SH3GL1: variants seen among roughly 807,000 people sequenced by gnomAD.
The protein encoded by SH3GL1 is SH3 domain containing GRB2 like 1, endophilin A2.
A neutral mutation model predicts 48.8 loss-of-function variants in SH3GL1; 21 were observed. The ratio of observed to expected loss-of-function variants is 0.43; its 90% CI spans 0.30 to 0.62. The LOEUF is 0.62. Ranked by LOEUF, SH3GL1 falls within the 20% of genes least tolerant of loss-of-function variation. The probability of loss-of-function intolerance (pLI) is 0.11; values close to 1 mark genes in which losing one functional copy is unlikely to be tolerated. For synonymous variants in SH3GL1, 282 were observed against 217.5 expected (o/e 1.30, Z -2.61); for missense variants, 454 against 503.0 (o/e 0.90, Z 0.93).
chr19:4,378,776 C>G (rs1379655150), intron 1 of SH3GL1, among the ~76,000 whole-genome samples: 1 of 152,192 alleles, frequency 6.6e-6, no homozygotes, highest in East Asian at 1.9e-4. Flanking sequence ...CTACTGTGCA[C>G]TGAGCAACTG....
intron 1 of SH3GL1, among the ~76,000 whole-genome samples, chr19:4,387,157 C>T (rs980620609): frequency 6.6e-6 from 1 of 152,040 alleles, no homozygotes; most frequent in Non-Finnish European, 1.5e-5. Context: ...AGGATGGTCT[C>T]GATCTCCTGA....
chr19:4,398,115 G>T (rs923407523), intron 1 of SH3GL1, among the ~76,000 whole-genome samples: 1 of 152,150 alleles, frequency 6.6e-6, no homozygotes, highest in Non-Finnish European at 1.5e-5. Flanking sequence ...AAAGTGCTGG[G>T]ATTACAGGCA....
intron 1 of SH3GL1, among the ~76,000 whole-genome samples, chr19:4,392,520 A>T (rs1488016547): frequency 5.7e-3 from 31 of 5,408 alleles, no homozygotes; most frequent in African/African-American, 0.012. Flanking sequence ...AGACTCCGTC[A>T]CACACACACA....
chr19:4,362,259 G>A, intron 9 of SH3GL1, 70 bp downstream of exon 9: 1 of 1,468,596 alleles, frequency 6.8e-7, no homozygotes. Context: ...AACAGGGCGG[G>A]AGGAGAAACA....
chr19:4,388,057 C>T (rs1229636162), intron 1 of SH3GL1, among the ~76,000 whole-genome samples: 1 of 151,940 alleles, frequency 6.6e-6, no homozygotes, highest in African/African-American at 2.4e-5. Flanking sequence ...GATGGGGTTT[C>T]ACCATGTTGG....
In SH3GL1 at chr19:4,367,391, C is replaced by A. The variant is rs1055975955; in HGVS notation, c.46-397G>T. ...TCCCCACAGATAGCAATGTGGGGAT[C>A]TGCCCCCATCCTTGAGTATGTGGGG... On this transcript the variant is annotated intron_variant, in intron 1 of 9. Transcript: ENST00000269886. The surrounding 1 kb of genome is among the most constrained non-coding windows in gnomAD (Gnocchi z 4.2). Among the ~76,000 whole-genome samples the A allele has an allele frequency of 6.6e-6, 1 of 152,070 alleles. No homozygotes were observed.
At chr19:4,366,104 G>A (rs964860132) in intron 3 of SH3GL1, among the ~76,000 whole-genome samples, 2 of 152,184 alleles carry the variant, frequency 1.3e-5, no homozygotes, top group South Asian at 2.1e-4. Context: ...GTTTTCCTTG[G>A]GGAAAAGCCC....
At chr19:4,394,445 C>T (rs959329951) in intron 1 of SH3GL1, among the ~76,000 whole-genome samples, 7 of 152,152 alleles carry the variant, frequency 4.6e-5, no homozygotes, top group African/African-American at 1.4e-4. Flanking sequence ...CGGCTTTTTA[C>T]TGCTTTCTTC....
rs1171818751 is a variant in SH3GL1, at chr19:4,366,553, C to T, written c.135G>A (p.Lys45=). The T allele has an allele frequency of 3.7e-6, 6 of 1,612,144 alleles. No homozygotes were observed. The South Asian group carries it at 5.5e-5, about 15-fold the overall frequency. The change falls in exon 3 of 10, where the codon AAG becomes AAA. Residue 45 remains lysine, a synonymous_variant. Coordinates refer to ENST00000269886, the MANE Select transcript of SH3GL1 (RefSeq NM_003025.4). ...TCCTGGCCAGCACTTCTGTCACCGC[C>T]TTGCTGGTGACATCCACCTTCTGTG... The part of the protein sequence containing the change: ...EMEKKVDVTS[K]AVTEVLARTI...
At chr19:4,361,921 G>T in intron 9 of SH3GL1, 125 bp from the exon 10 acceptor site, 1 of 680,496 alleles carries the variant, frequency 1.5e-6, no homozygotes, top group African/African-American at 1.8e-5. Context: ...CCCTGCCTGG[G>T]CCACCCCCTG....
At chr19:4,387,739 A>G (rs1052159078) in intron 1 of SH3GL1, among the ~76,000 whole-genome samples, 2 of 152,088 alleles carry the variant, frequency 1.3e-5, no homozygotes, top group East Asian at 3.9e-4. Flanking sequence ...GGCAGAGTGC[A>G]GTGGTGCTAT....
chr19:4,383,368 CCA>C (rs1325940195), intron 1 of SH3GL1, among the ~76,000 whole-genome samples: 3 of 152,018 alleles, frequency 2.0e-5, no homozygotes, highest in Non-Finnish European at 4.4e-5. Flanking sequence ...GCGTGCATCA[CCA>C]CACAGAGTTA....
At chr19:4,379,231 A>G (rs1429802085) in intron 1 of SH3GL1, among the ~76,000 whole-genome samples, 1 of 152,030 alleles carries the variant, frequency 6.6e-6, no homozygotes, top group East Asian at 1.9e-4. Flanking sequence ...AAGGAAGCAG[A>G]TCACCTGAGA....
chr19:4,395,259 C>T (rs1157736093), intron 1 of SH3GL1, among the ~76,000 whole-genome samples: 4 of 152,078 alleles, frequency 2.6e-5, no homozygotes, highest in Non-Finnish European at 5.9e-5. Flanking sequence ...CAGGTGCAAG[C>T]GATAAAGGTT....
rs1050902647 is a variant in SH3GL1 at position 4,361,491 on chromosome 19, C to T, written c.*109G>A. The T allele has an allele frequency of 4.3e-5, 36 of 839,792 alleles. No individual in the cohort carries two copies. The highest frequency in any genetic ancestry group is 3.5e-4 in the Middle Eastern group (1 of 2,858). 52.0% of individuals were successfully genotyped at this position (839,792 alleles called of 1,614,324 possible). ...TCAAGGGCCGGGGCCCAGGTGGCGC[C>T]GGCAGGCTCAGACACCGCCCTGGCA... On this transcript the variant is annotated 3_prime_UTR_variant, in exon 10 of 10. Transcript: ENST00000269886.
chr19:4,386,786 C>T (rs995150946), intron 1 of SH3GL1, among the ~76,000 whole-genome samples: 4 of 152,078 alleles, frequency 2.6e-5, no homozygotes, highest in Non-Finnish European at 4.4e-5. Context: ...TCCTAAGAGG[C>T]GAGACTGCAG....
intron 1 of SH3GL1, among the ~76,000 whole-genome samples, chr19:4,378,427 C>G (rs988130682): frequency 6.6e-6 from 1 of 152,128 alleles, no homozygotes; most frequent in Non-Finnish European, 1.5e-5. Context: ...AAACTACACA[C>G]CACCAGGCCA....
intron 3 of SH3GL1, 45 bp from the exon 4 acceptor site, chr19:4,365,670 T>C: frequency 6.2e-7 from 1 of 1,610,174 alleles, no homozygotes; most frequent in Non-Finnish European, 8.5e-7. Context: ...AGGCCTGCAC[T>C]CCTCTGCCCT....
chr19:4,399,380 TG>T (rs1973480553), intron 1 of SH3GL1, among the ~76,000 whole-genome samples: 4 of 129,314 alleles, frequency 3.1e-5, no homozygotes, highest in Admixed American at 1.6e-4. Flanking sequence ...GCAGTAGTCC[TG>T]GGGGACAGGA....
Sources: allele counts gnomAD v4.1 joint callset (sites outside exome capture counted in the v4.1 genomes callset), GRCh38; gene constraint gnomAD v4.1.1; non-coding constraint Gnocchi (gnomAD v3.1); transcripts MANE v1.5; gene names NCBI Gene and HGNC (gene_info 2026-07-23, HGNC 2026-07-21).